DNMT3B: variants seen among roughly 807,000 people sequenced by gnomAD.
The protein encoded by DNMT3B is DNA methyltransferase 3 beta.
Under a neutral mutation model 120.2 loss-of-function variants are expected in DNMT3B, and 37 were observed. The ratio of observed to expected loss-of-function variants is 0.31; its 90% CI spans 0.24 to 0.40. DNMT3B has a LOEUF of 0.40. Among genes scored for constraint, DNMT3B ranks in the 10% least tolerant of loss-of-function variants. The probability of loss-of-function intolerance (pLI) is 1.00; values close to 1 mark genes in which losing one functional copy is unlikely to be tolerated. For synonymous variants in DNMT3B, 412 were observed against 442.8 expected (o/e 0.93, Z 0.87); for missense variants, 878 against 1,137.3 (o/e 0.77, Z 3.28).
At chr20:32,765,652 C>A (rs912631433) in intron 1 of DNMT3B, among the ~76,000 whole-genome samples, 50 of 151,108 alleles carry the variant, frequency 3.3e-4, no homozygotes, top group African/African-American at 1.2e-3. Context: ...AACTCCTGAC[C>A]TCAAGTGATT....
chr20:32,793,899 G>A (rs1212924916), intron 10 of DNMT3B, among the ~76,000 whole-genome samples: 1 of 152,042 alleles, frequency 6.6e-6, no homozygotes, highest in Non-Finnish European at 1.5e-5. Context: ...TTTAATGGCT[G>A]TACAATTTTC....
intron 3 of DNMT3B, among the ~76,000 whole-genome samples, chr20:32,784,068 C>T (rs1184863168): frequency 1.3e-5 from 2 of 152,182 alleles, no homozygotes; most frequent in African/African-American, 2.4e-5. Flanking sequence ...AGGCACATGC[C>T]ACCATGCCCT....
At chr20:32,774,885 AT>A (rs1054038872) in intron 1 of DNMT3B, among the ~76,000 whole-genome samples, 4 of 150,984 alleles carry the variant, frequency 2.6e-5, no homozygotes, top group South Asian at 2.1e-4. Flanking sequence ...CGACCGGCTA[AT>A]TTTTTTTTGT....
chr20:32,786,473 G>T (rs890236607), intron 4 of DNMT3B, 29 bp from the exon 5 acceptor site: 6 of 1,613,742 alleles, frequency 3.7e-6, no homozygotes, highest in South Asian at 1.1e-5. Context: ...GTCACCTAAG[G>T]CCCAGTGAGT....
chr20:32,801,062 C>T (rs901951595), intron 18 of DNMT3B, 137 bp downstream of exon 18: 39 of 1,241,220 alleles, frequency 3.1e-5, no homozygotes, highest in South Asian at 1.1e-4. Context: ...GTGCTGCCTA[C>T]GCTCCATAGT....
At chr20:32,792,480 A>G in intron 8 of DNMT3B, 146 bp from the exon 9 acceptor site, 1 of 1,381,760 alleles carries the variant, frequency 7.2e-7, no homozygotes, top group Non-Finnish European at 1.0e-6. Flanking sequence ...TTCCTCTGTC[A>G]CATACCACAG....
At chr20:32,797,808 G>C (rs949148079) in intron 14 of DNMT3B, among the ~76,000 whole-genome samples, 1 of 151,956 alleles carries the variant, frequency 6.6e-6, no homozygotes, top group Non-Finnish European at 1.5e-5. Flanking sequence ...TATAAGTGCG[G>C]AGCACCACGC....
At chr20:32,806,740 G>A (rs1473218572) in intron 22 of DNMT3B, among the ~76,000 whole-genome samples, 1 of 152,158 alleles carries the variant, frequency 6.6e-6, no homozygotes, top group Admixed American at 6.5e-5. Flanking sequence ...TTTGGGCTAA[G>A]TTTGTCTGTT....
At chr20:32,773,117 C>CTTT (rs11449585) in intron 1 of DNMT3B, among the ~76,000 whole-genome samples, 2 of 144,002 alleles carry the variant, frequency 1.4e-5, no homozygotes. Flanking sequence ...CTGTGCCTGG[C>CTTT]TTTTTTTTTT....
At chr20:32,798,754 T>G in intron 15 of DNMT3B, 111 bp downstream of exon 15, 1 of 1,478,442 alleles carries the variant, frequency 6.8e-7, no homozygotes, top group Non-Finnish European at 9.2e-7. Context: ...TTGTACCTCT[T>G]GGAGCCTCAA....
At chr20:32,802,643 C>T (rs997670781) in intron 20 of DNMT3B, among the ~76,000 whole-genome samples, 173 bp downstream of exon 20, 1 of 152,174 alleles carries the variant, frequency 6.6e-6, no homozygotes, top group African/African-American at 2.4e-5. Context: ...TCAGCAAGTA[C>T]CTGGGAATCT....
rs1979466419 is a variant in DNMT3B at position 32,787,491 on chromosome 20, C to T, written c.654+40C>T. On this transcript the variant is annotated intron_variant, in intron 6 of 22. Coordinates refer to ENST00000328111, the MANE Select transcript of DNMT3B (RefSeq NM_006892.4). ...GGCTCCTGCCCAGGGTGACTGAGGACCCTGAACACGGGGAAAAACCAGTTA... is the reference window on the plus strand; with the variant it reads ...GGCTCCTGCCCAGGGTGACTGAGGATCCTGAACACGGGGAAAAACCAGTTA... 1.9e-6 allele frequency: 3 copies of T among 1,594,856 alleles called. No homozygotes were observed. In the South Asian group the frequency reaches 3.3e-5, roughly 18 times the overall value.
chr20:32,767,580 G>T (rs1430060731), intron 1 of DNMT3B, among the ~76,000 whole-genome samples: 1 of 152,016 alleles, frequency 6.6e-6, no homozygotes, highest in Non-Finnish European at 1.5e-5. Flanking sequence ...CCTTAGTCAC[G>T]TGCCACCACG....
rs551666553 is a variant in DNMT3B at position 32,803,685 on chromosome 20, C to G, written c.2231+1215C>G. 1.3e-4 allele frequency among the ~76,000 whole-genome samples: 20 copies of G among 152,234 alleles called. No individual in the cohort carries two copies. In the East Asian group the frequency reaches 3.5e-3, roughly 26 times the overall value. ...AAGGCTTCTCATTCTAGCGAAGGTC[C>G]TAAGTGAAGGGATGGACCCATGCAG... On this transcript the variant is annotated intron_variant, in intron 20 of 22. Coordinates refer to ENST00000328111, the MANE Select transcript of DNMT3B (RefSeq NM_006892.4).
chr20:32,808,973 G>A lies in DNMT3B; in HGVS notation c.*1070G>A, dbSNP rs973907652. 1.4e-5 allele frequency: 3 copies of A among 220,260 alleles called. No homozygotes were observed. Among genetic ancestry groups the A allele is most frequent in the South Asian group, 1.8e-4 (1 of 5,406 alleles). The allele number at this position is 220,260 out of a possible 1,614,324, so 13.6% of individuals were successfully genotyped here. A position where few individuals can be genotyped will look rare whatever the true frequency, so the allele number is the denominator to read the frequency against. On this transcript the variant is annotated 3_prime_UTR_variant, in exon 23 of 23. Coordinates refer to ENST00000328111, the MANE Select transcript of DNMT3B (RefSeq NM_006892.4). ...ATGACAGGGAAAACTGCAAAGCTCG[G>A]TGCTCCCTTTGGAGATTTTTTAATC...
At position 32,799,295 on chromosome 20, in the gene DNMT3B, C is replaced by A; in HGVS notation, c.1726C>A (p.Arg576=). The change falls in exon 16 of 23, where the codon CGA becomes AGA. Residue 576 remains arginine (R), a synonymous_variant. Transcript: ENST00000328111. ...TCCCGCAGCCCGAAGGCGGCCCATT[C>A]GAGTCCTGTCATTGTTTGATGGCAT... ...AIPAARRRPI[R]VLSLFDGIAT... 1 of 1,613,518 alleles carries A rather than the reference C, an allele frequency of 6.2e-7. No individual in the cohort carries two copies. The highest frequency in any genetic ancestry group is 8.5e-7 in the Non-Finnish European group (1 of 1,179,814).
chr20:32,786,553 T>C lies in DNMT3B; in HGVS notation c.358T>C (p.Ser120Pro). Residue 120 changes from serine to proline, a missense_variant, in exon 5 of 23, where the codon TCC (serine) becomes CCC (proline). Coordinates refer to ENST00000328111, the MANE Select transcript of DNMT3B (RefSeq NM_006892.4). ...CTCCAGCCGGGAGAGGCACAGGCCTTCCCCACGTTCCACCCGAGGCCGGCA... is the reference window on the plus strand; with the variant it reads ...CTCCAGCCGGGAGAGGCACAGGCCTCCCCCACGTTCCACCCGAGGCCGGCA... ...SVSSRERHRP[S>P]PRSTRGRQGR... The C allele has an allele frequency of 6.2e-7, 1 of 1,613,938 alleles. No homozygotes were observed. The highest frequency in any genetic ancestry group is 8.5e-7 in the Non-Finnish European group (1 of 1,180,014).
Position 32,800,230 on chromosome 20 carries a change from G to A in DNMT3B, c.1837G>A (p.Val613Ile). 1 of 1,614,216 alleles carries A rather than the reference G, an allele frequency of 6.2e-7. No homozygotes were observed. Among genetic ancestry groups the A allele is most frequent in the East Asian group, 2.2e-5 (1 of 44,880 alleles). The change falls in exon 17 of 23, where the codon GTT becomes ATT. Residue 613 changes from valine (V) to isoleucine (I), a missense_variant. Coordinates refer to ENST00000328111, the MANE Select transcript of DNMT3B (RefSeq NM_006892.4). ...TGAAGTGTGTGAGGAGTCCATTGCT[G>A]TTGGAACCGTGAAGCACGAGGGGAA... ...ASEVCEESIA[V>I]GTVKHEGNIK...
In DNMT3B at chr20:32,797,288, G is replaced by T; in HGVS notation, c.1479G>T (p.Thr493=). ...EGRELLLCSN[T]SCCRCFCVEC... is the part of the protein sequence containing the mutation. Reference sequence around the variant, plus strand: ...GAGAGCTGCTGCTTTGCAGCAACACGAGCTGCTGCCGGTGAGCACTGGGCC... The same window carrying T: ...GAGAGCTGCTGCTTTGCAGCAACACTAGCTGCTGCCGGTGAGCACTGGGCC... Residue 493 remains threonine (T), a synonymous_variant, in exon 14 of 23, where the codon ACG becomes ACT. Coordinates refer to ENST00000328111, the MANE Select transcript of DNMT3B (RefSeq NM_006892.4). 6.2e-7 allele frequency: 1 copy of T among 1,614,106 alleles called. No homozygotes were observed. The highest frequency in any genetic ancestry group is 1.1e-5 in the South Asian group (1 of 91,082).
Sources: allele counts gnomAD v4.1 joint callset (sites outside exome capture counted in the v4.1 genomes callset), GRCh38; gene constraint gnomAD v4.1.1; transcripts MANE v1.5; gene names NCBI Gene and HGNC (gene_info 2026-07-23, HGNC 2026-07-21).